The following KANTR variants were observed in gnomAD, a reference collection of about 807,000 sequenced individuals.
The protein encoded by KANTR is KANTR integral membrane protein, also known as KDM5C adjacent transcript.
intron 2 of KANTR, among the ~76,000 whole-genome samples, chrX:53,112,486 G>A (rs1854143195): frequency 8.9e-6 from 1 of 111,913 alleles, no homozygotes; most frequent in Admixed American, 9.6e-5. Context: ...CATTTCTAAA[G>A]GGCAGCTTTG....
intron 2 of KANTR, among the ~76,000 whole-genome samples, chrX:53,135,873 A>G (rs931042742): frequency 1.8e-5 from 2 of 111,934 alleles, no homozygotes; most frequent in Non-Finnish European, 3.8e-5. Flanking sequence ...TTCTAGCCCT[A>G]GTGTCCACTT....
At chrX:53,129,857 T>TATTC (rs1450519034), downstream of KANTR, among the ~76,000 whole-genome samples, 10 of 105,747 alleles carry the variant, frequency 9.5e-5, no homozygotes, top group Non-Finnish European at 1.8e-4. Flanking sequence ...CAAATTTATT[T>TATTC]ATTTATTTAT....
At chrX:53,096,378 C>T (rs1249754991) in intron 1 of KANTR, among the ~76,000 whole-genome samples, 3 of 112,338 alleles carry the variant, frequency 2.7e-5, no homozygotes, top group Non-Finnish European at 5.6e-5. Context: ...GGTTTTTCAC[C>T]TACATTACTG....
intron 2 of KANTR, among the ~76,000 whole-genome samples, chrX:53,136,536 C>CTT (rs57543669): frequency 3.8e-5 from 2 of 53,191 alleles, no homozygotes; most frequent in Admixed American, 2.7e-4. Context: ...CCGTTCCCGG[C>CTT]TTTTTTTTTT....
At chrX:53,130,706 G>A (rs782414890), downstream of KANTR, among the ~76,000 whole-genome samples, 43 of 111,712 alleles carry the variant, frequency 3.8e-4, no homozygotes, top group Non-Finnish European at 6.0e-4. Flanking sequence ...CTTTTGCGAC[G>A]AGGGGATTGA....
chrX:53,114,384 T>C, intron 2 of KANTR, among the ~76,000 whole-genome samples: 1 of 112,504 alleles, frequency 8.9e-6, no homozygotes, highest in African/African-American at 3.2e-5. Context: ...TGTGCATTGG[T>C]GTCTGCACAT....
In KANTR at chrX:53,137,550, A is replaced by C. The variant is rs782151260; in HGVS notation, n.204-4298A>C. On this transcript the variant is annotated intron_variant and non_coding_transcript_variant, in intron 2 of 2. Transcript: ENST00000366185. ...GAGGCTGAGGCGAGCAGATCACCCG[A>C]GGCTGGGAGTTCGAGACCAGCCTAA... Among the ~76,000 whole-genome samples the C allele has an allele frequency of 8.1e-5, 9 of 111,089 alleles. No homozygotes were observed. In the South Asian group the frequency reaches 3.5e-3, roughly 43 times the overall value.
chrX:53,113,126 C>A, intron 2 of KANTR: 1 of 287,180 alleles, frequency 3.5e-6, no homozygotes. Context: ...GGGCAGCTGT[C>A]ATTTGCGGGG....
downstream of KANTR, among the ~76,000 whole-genome samples, chrX:53,131,960 T>C (rs1017172546): frequency 7.1e-5 from 8 of 112,192 alleles, no homozygotes; most frequent in Non-Finnish European, 1.1e-4. Context: ...ATACAAAAAT[T>C]AGTTGTATAT....
intron 2 of KANTR, among the ~76,000 whole-genome samples, chrX:53,134,731 T>C (rs1556817428): frequency 9.0e-6 from 1 of 111,596 alleles, no homozygotes; most frequent in Non-Finnish European, 1.9e-5. Context: ...GAGTGAGGAA[T>C]GAAGGTAAAG....
At chrX:53,108,449 G>C (rs1251086594) in intron 2 of KANTR, among the ~76,000 whole-genome samples, 2 of 109,744 alleles carry the variant, frequency 1.8e-5, no homozygotes, top group African/African-American at 6.6e-5. Context: ...TAATCCACCC[G>C]ACCTCAGCCT....
At chrX:53,145,572 G>A (rs191345549), downstream of KANTR, among the ~76,000 whole-genome samples, 2,700 of 112,110 alleles carry the variant, frequency 0.024, 39 homozygotes, top group Non-Finnish European at 0.034. Flanking sequence ...CACCTCTGGG[G>A]GCAGGGCATT....
At chrX:53,118,326 TTTG>T (rs1465831068) in intron 2 of KANTR, among the ~76,000 whole-genome samples, 1 of 112,113 alleles carries the variant, frequency 8.9e-6, no homozygotes, top group Non-Finnish European at 1.9e-5. Context: ...CTTCTTATTT[TTTG>T]TTATTACACT....
intron 2 of KANTR, among the ~76,000 whole-genome samples, chrX:53,119,713 T>TTTTA (rs1325790525): frequency 7.2e-5 from 8 of 111,493 alleles, no homozygotes; most frequent in Admixed American, 1.9e-4. Context: ...CCCTTTGTTA[T>TTTTA]TTTATTTATT....
intron 2 of KANTR, among the ~76,000 whole-genome samples, chrX:53,140,642 G>C (rs1556818357): frequency 1.8e-5 from 2 of 110,068 alleles, no homozygotes; most frequent in Admixed American, 9.8e-5. Flanking sequence ...AGCACAAAAA[G>C]GCCAAAAACA....
intron 2 of KANTR, among the ~76,000 whole-genome samples, chrX:53,140,578 G>T (rs1933489154): frequency 9.2e-6 from 1 of 108,883 alleles, no homozygotes; most frequent in South Asian, 4.0e-4. Context: ...ATAAATCCCA[G>T]GGAAGTACAC....
At chrX:53,136,727 TA>T (rs1933429616) in intron 2 of KANTR, among the ~76,000 whole-genome samples, 3 of 50,689 alleles carry the variant, frequency 5.9e-5, no homozygotes, top group African/African-American at 1.1e-4. Flanking sequence ...TATATATATA[TA>T]TATTTTGTTT....
downstream of KANTR, among the ~76,000 whole-genome samples, chrX:53,129,688 TTTAA>T (rs1231054761): frequency 9.1e-6 from 1 of 110,258 alleles, no homozygotes; most frequent in African/African-American, 3.3e-5. Flanking sequence ...TTGAAGGTCC[TTTAA>T]TTATTGCTTG....
intron 2 of KANTR, among the ~76,000 whole-genome samples, chrX:53,117,617 T>TTG (rs1267832132): frequency 1.1e-5 from 1 of 90,304 alleles, no homozygotes; most frequent in African/African-American, 4.1e-5. Context: ...GTGTTTTTTT[T>TTG]TTTTTTTTTT....
Sources: gnomAD v4.1 joint callset for allele counts (sites outside exome capture counted in the v4.1 genomes callset) on GRCh38, gnomAD v4.1.1 for gene constraint, MANE v1.5 for transcripts, NCBI Gene and HGNC (gene_info 2026-07-23, HGNC 2026-07-21) for gene names.